CELF1: variants seen among roughly 807,000 people sequenced by gnomAD.
The protein encoded by CELF1 is 50 kDa nuclear polyadenylated RNA-binding protein.
Under a neutral mutation model 61.8 loss-of-function variants are expected in CELF1, and 10 were observed. That is an observed-to-expected ratio of 0.16 (90% confidence interval 0.10 to 0.27). The LOEUF is 0.27. Among genes scored for constraint, CELF1 ranks in the 10% least tolerant of loss-of-function variants. The pLI, the probability that CELF1 is intolerant of heterozygous loss-of-function variation, is 1.00. For synonymous variants in CELF1, 236 were observed against 225.1 expected, an observed-to-expected ratio of 1.05 and a Z score of -0.43; for missense variants, 380 against 639.1, an observed-to-expected ratio of 0.59 and a Z score of 4.37.
At chr11:47,542,224 GC>G (rs1230972715) in intron 1 of CELF1, among the ~76,000 whole-genome samples, 1 of 152,104 alleles carries the variant, frequency 6.6e-6, no homozygotes, top group Non-Finnish European at 1.5e-5. Flanking sequence ...ACAAAAATTA[GC>G]CAGGCATGCT....
At chr11:47,539,183 T>A (rs2096712197) in intron 1 of CELF1, among the ~76,000 whole-genome samples, 1 of 152,178 alleles carries the variant, frequency 6.6e-6, no homozygotes, top group South Asian at 2.1e-4. Context: ...TTTAACAGGC[T>A]CATATTCCTA....
chr11:47,505,697 T>A (rs1157227331), intron 1 of CELF1, among the ~76,000 whole-genome samples: 1 of 148,400 alleles, frequency 6.7e-6, no homozygotes, highest in African/African-American at 2.5e-5. Flanking sequence ...CTATCTGTAA[T>A]CCCAGTACTT....
intron 1 of CELF1, among the ~76,000 whole-genome samples, chr11:47,517,260 GAAAAAAAA>G (rs57071560): frequency 1.3e-5 from 1 of 76,996 alleles, no homozygotes; most frequent in South Asian, 5.1e-4. Flanking sequence ...AACAAACAGA[GAAAAAAAA>G]AAAAAAAAAA....
At chr11:47,512,503 A>AT (rs991259459) in intron 1 of CELF1, among the ~76,000 whole-genome samples, 20 of 132,978 alleles carry the variant, frequency 1.5e-4, no homozygotes, top group African/African-American at 4.5e-4. Flanking sequence ...TGCCCAGCTA[A>AT]TTTTTTTTGT....
At chr11:47,529,248 C>T (rs1598060553) in intron 1 of CELF1, among the ~76,000 whole-genome samples, 1 of 150,428 alleles carries the variant, frequency 6.6e-6, no homozygotes, top group Admixed American at 6.7e-5. Flanking sequence ...TACTTCTAAT[C>T]CTACCTTGGA....
At chr11:47,546,561 A>G (rs1191492419) in intron 1 of CELF1, among the ~76,000 whole-genome samples, 3 of 152,042 alleles carry the variant, frequency 2.0e-5, no homozygotes, top group Non-Finnish European at 4.4e-5. Flanking sequence ...AAACTGAGAG[A>G]CCTATGAGTA....
At chr11:47,481,094 TTCTTCTTC>T (rs2082857321) in intron 9 of CELF1, among the ~76,000 whole-genome samples, 2 of 91,708 alleles carry the variant, frequency 2.2e-5, no homozygotes, top group Admixed American at 1.3e-4. Flanking sequence ...TTTTTTTTTT[TTCTTCTTC>T]TTTTTTTTTT....
intron 1 of CELF1, among the ~76,000 whole-genome samples, chr11:47,543,271 C>T (rs1228409922): frequency 3.3e-5 from 5 of 152,128 alleles, no homozygotes; most frequent in East Asian, 1.9e-4. Flanking sequence ...CGTGGTGTTG[C>T]GCACCTATAG....
intron 1 of CELF1, among the ~76,000 whole-genome samples, chr11:47,540,206 G>A (rs1426835703): frequency 6.6e-6 from 1 of 152,062 alleles, no homozygotes; most frequent in Non-Finnish European, 1.5e-5. Context: ...ACTAAATCAG[G>A]TACAGGAATG....
At chr11:47,526,647 C>A (rs941804168) in intron 1 of CELF1, among the ~76,000 whole-genome samples, 8 of 152,102 alleles carry the variant, frequency 5.3e-5, no homozygotes, top group Admixed American at 5.2e-4. Flanking sequence ...AAATTTTAAA[C>A]CACTATTAAG....
At chr11:47,500,460 A>C (rs2093754964) in intron 2 of CELF1, among the ~76,000 whole-genome samples, 1 of 152,154 alleles carries the variant, frequency 6.6e-6, no homozygotes, top group Non-Finnish European at 1.5e-5. Flanking sequence ...GAAATAATGT[A>C]TTTTCAGTTC....
chr11:47,541,686 CAAA>C (rs1376969876), intron 1 of CELF1, among the ~76,000 whole-genome samples: 2,707 of 11,622 alleles, frequency 0.23, 278 homozygotes, highest in African/African-American at 0.33. Context: ...GCGAGACTGT[CAAA>C]GAAAGAAAGA....
chr11:47,552,037 A>C (rs2097151644), intron 1 of CELF1, among the ~76,000 whole-genome samples: 1 of 151,962 alleles, frequency 6.6e-6, no homozygotes, highest in Non-Finnish European at 1.5e-5. Flanking sequence ...AAAAAGATGA[A>C]GTTCTTGTAA....
intron 1 of CELF1, among the ~76,000 whole-genome samples, chr11:47,539,072 C>T (rs1431278402): frequency 6.6e-6 from 1 of 152,138 alleles, no homozygotes; most frequent in Non-Finnish European, 1.5e-5. Context: ...CGCCACTTAA[C>T]TAGAAATGAA....
chr11:47,499,727 G>A, intron 2 of CELF1, 123 bp from the exon 3 acceptor site: 1 of 572,200 alleles, frequency 1.7e-6, no homozygotes, highest in Non-Finnish European at 3.1e-6. Flanking sequence ...AAATGGGGAT[G>A]TGACCATGTG....
intron 1 of CELF1, among the ~76,000 whole-genome samples, chr11:47,526,085 T>C (rs1351517066): frequency 6.6e-6 from 1 of 152,144 alleles, no homozygotes; most frequent in Non-Finnish European, 1.5e-5. Flanking sequence ...ATCCCAGCAC[T>C]TTGGGAGGCC....
chr11:47,473,802 G>A (rs1287230285), intron 13 of CELF1, among the ~76,000 whole-genome samples: 1 of 152,164 alleles, frequency 6.6e-6, no homozygotes, highest in Admixed American at 6.6e-5. Context: ...ATGTAAATGG[G>A]AAAATAAGAA....
At chr11:47,489,935 G>GTTTTTTTGTTTTTTT (rs2090255781) in intron 3 of CELF1, among the ~76,000 whole-genome samples, 1 of 48,226 alleles carries the variant, frequency 2.1e-5, no homozygotes, top group African/African-American at 7.8e-5. Flanking sequence ...ATACCATCTT[G>GTTTTTTTGTTTTTTT]TTTTTTTTTT....
chr11:47,473,563 G>C (rs1264988922), intron 13 of CELF1, among the ~76,000 whole-genome samples: 1 of 152,194 alleles, frequency 6.6e-6, no homozygotes, highest in African/African-American at 2.4e-5. Flanking sequence ...GAACACAGAA[G>C]AGGAGGTGAA....
Sources: gnomAD v4.1 joint callset for allele counts (sites outside exome capture counted in the v4.1 genomes callset) on GRCh38, gnomAD v4.1.1 for gene constraint, MANE v1.5 for transcripts, NCBI Gene and HGNC (gene_info 2026-07-23, HGNC 2026-07-21) for gene names.